KIRREL3: variants seen among roughly 807,000 people sequenced by gnomAD.
KIRREL3 encodes the protein kin of IRRE-like protein 3.
KIRREL3 carries 36 observed loss-of-function variants against 89.7 expected under a neutral mutation model. The observed-to-expected ratio is 0.40, with a 90% CI of 0.31 to 0.53. The LOEUF (loss-of-function observed/expected upper bound fraction) is 0.53. Among genes scored for constraint, KIRREL3 ranks in the 20% least tolerant of loss-of-function variants. The pLI, the probability that KIRREL3 is intolerant of heterozygous loss-of-function variation, is 0.49. For missense variants in KIRREL3, 864 were observed against 1,056.6 expected, an observed-to-expected ratio of 0.82 and a Z score of 2.53; for synonymous variants, 445 against 441.4, an observed-to-expected ratio of 1.01 and a Z score of -0.10.
In KIRREL3 at chr11:126,715,056, G is replaced by A. The variant is rs1947905825; in HGVS notation, c.56-152144C>T. On this transcript the variant is annotated intron_variant, in intron 1 of 16. Coordinates refer to ENST00000525144, the MANE Select transcript of KIRREL3 (RefSeq NM_032531.4). This position sits in a 1 kb window ranked among gnomAD's most constrained non-coding sequence, Gnocchi z 4.4. Reference sequence around the variant, plus strand: ...CCCCACCTTTCTGTGTGGCTGCATGGCTGGGGACTCCATCCTCCTAATGAT... The same window carrying A: ...CCCCACCTTTCTGTGTGGCTGCATGACTGGGGACTCCATCCTCCTAATGAT... Among the ~76,000 whole-genome samples, 1 of 152,190 alleles carries A rather than the reference G, an allele frequency of 6.6e-6. No homozygotes were observed. Among genetic ancestry groups the A allele is most frequent in the African/African-American group, 2.4e-5 (1 of 41,436 alleles).
At position 126,872,986 on chromosome 11, in the gene KIRREL3, T is replaced by C. The variant is rs1042851710; in HGVS notation, c.55+127469A>G. On this transcript the variant is annotated intron_variant, in intron 1 of 16. Coordinates refer to ENST00000525144, the MANE Select transcript of KIRREL3 (RefSeq NM_032531.4). This position sits in a 1 kb window ranked among gnomAD's most constrained non-coding sequence, Gnocchi z 4.2. ...AAATTAAAGCAGCCTGCTCCCTCAA[T>C]GGTTATACATTCTGGCACAGAAATT... Among the ~76,000 whole-genome samples the C allele has an allele frequency of 1.3e-5, 2 of 152,186 alleles. No homozygotes were observed. Among genetic ancestry groups the C allele is most frequent in the African/African-American group, 4.8e-5 (2 of 41,454 alleles).
intron 1 of KIRREL3, among the ~76,000 whole-genome samples, chr11:126,880,987 A>C (rs1295574938): frequency 3.3e-5 from 5 of 152,232 alleles, no homozygotes; most frequent in African/African-American, 1.2e-4. Context: ...TCAAAATGTT[A>C]ATGCAAACAT....
At chr11:126,711,784 G>A (rs550545170) in intron 1 of KIRREL3, among the ~76,000 whole-genome samples, 6 of 152,338 alleles carry the variant, frequency 3.9e-5, no homozygotes, top group African/African-American at 1.2e-4. Flanking sequence ...ACTGTGCGAG[G>A]ATGCTGTGCC....
intron 1 of KIRREL3, among the ~76,000 whole-genome samples, chr11:126,598,798 G>A (rs763389926): frequency 4.6e-5 from 7 of 152,216 alleles, no homozygotes; most frequent in Middle Eastern, 3.4e-3. Flanking sequence ...TCTGGGCTTC[G>A]GTTTCCTTAC....
At chr11:126,449,816 G>A (rs1955959860) in intron 7 of KIRREL3, among the ~76,000 whole-genome samples, 2 of 152,204 alleles carry the variant, frequency 1.3e-5, no homozygotes, top group South Asian at 4.1e-4. Flanking sequence ...TCTGCCTCCT[G>A]CTTCCATGGG....
rs185767170 is a variant in KIRREL3, at chr11:126,977,213, C to T, written c.55+23242G>A. On this transcript the variant is annotated intron_variant, in intron 1 of 16. Coordinates refer to ENST00000525144, the MANE Select transcript of KIRREL3 (RefSeq NM_032531.4). The surrounding 1 kb of genome is among the most constrained non-coding windows in gnomAD (Gnocchi z 4.7). Reference sequence around the variant, plus strand: ...TGTCCTCTTCTTCTGCCAGGTGCCCCGCCTGCCATCTTTTGTACCTTTTTT... The same window carrying T: ...TGTCCTCTTCTTCTGCCAGGTGCCCTGCCTGCCATCTTTTGTACCTTTTTT... Among the ~76,000 whole-genome samples, 94 of 152,218 alleles carry T rather than the reference C, an allele frequency of 6.2e-4. No individual in the cohort carries two copies. Among genetic ancestry groups the T allele is most frequent in the Non-Finnish European group, 9.6e-4 (65 of 68,016 alleles).
Position 126,912,952 on chromosome 11 carries a change from CAA to C in KIRREL3, c.55+87501_55+87502del, listed in dbSNP as rs1264598887. On this transcript the variant is annotated intron_variant, in intron 1 of 16. Transcript: ENST00000525144. This position sits in a 1 kb window ranked among gnomAD's most constrained non-coding sequence, Gnocchi z 4.7. ...GGGTGCACCCATCAGTCTAAGTAGT[CAA>C]GAGAGGAAATGCCTTAAGGAACCAC... Among the ~76,000 whole-genome samples, 1 of 152,156 alleles carries C rather than the reference CAA, an allele frequency of 6.6e-6. No homozygotes were observed. The highest frequency in any genetic ancestry group is 2.4e-5 in the African/African-American group (1 of 41,440).
rs530773219 is a variant in KIRREL3 at position 126,805,803 on chromosome 11, A to C, written c.55+194652T>G. 6.6e-6 allele frequency among the ~76,000 whole-genome samples: 1 copy of C among 152,164 alleles called. No individual in the cohort carries two copies. The highest frequency in any genetic ancestry group is 1.5e-5 in the Non-Finnish European group (1 of 68,024). On this transcript the variant is annotated intron_variant, in intron 1 of 16. Transcript: ENST00000525144. The surrounding 1 kb of genome is among the most constrained non-coding windows in gnomAD (Gnocchi z 4.3). ...GAATTCTTGATAGTCTCTGTCTTTC[A>C]CGGTTTTCCTGCTCAGCTTATTCAT...
chr11:126,450,231 G>A (rs1260441027), intron 7 of KIRREL3, among the ~76,000 whole-genome samples: 2 of 151,568 alleles, frequency 1.3e-5, no homozygotes, highest in African/African-American at 4.9e-5. Flanking sequence ...GTGTGCACGT[G>A]TGCATATGAA....
rs528742360 is a variant in KIRREL3, at chr11:126,623,876, A to T, written c.56-60964T>A. 6.6e-6 allele frequency among the ~76,000 whole-genome samples: 1 copy of T among 152,084 alleles called. No individual in the cohort carries two copies. Among genetic ancestry groups the T allele is most frequent in the Admixed American group, 6.6e-5 (1 of 15,258 alleles). On this transcript the variant is annotated intron_variant, in intron 1 of 16. Transcript: ENST00000525144. This position sits in a 1 kb window ranked among gnomAD's most constrained non-coding sequence, Gnocchi z 4.1. ...GCAATAAACGTTATGCCTCTCCCCA[A>T]CCCCAGTCCAGAAGGGGCTGGCAGG...
At chr11:126,452,124 C>T (rs1956199799) in intron 7 of KIRREL3, among the ~76,000 whole-genome samples, 1 of 152,096 alleles carries the variant, frequency 6.6e-6, no homozygotes, top group Non-Finnish European at 1.5e-5. Context: ...TAGGCTGGCA[C>T]CAAGCAGTTG....
intron 1 of KIRREL3, among the ~76,000 whole-genome samples, chr11:126,815,365 G>A (rs1951528227): frequency 6.6e-6 from 1 of 152,122 alleles, no homozygotes; most frequent in African/African-American, 2.4e-5. Context: ...CCCACTGTGT[G>A]ACCTGAGGCA....
chr11:126,601,458 A>G lies in KIRREL3; in HGVS notation c.56-38546T>C, dbSNP rs769300841. ...AGCAATTTGTTTGCTCTCATACTCT[A>G]AAGATGAACTTCCCGTGCTCAATCA... is the stretch of plus-strand genomic sequence containing the variant. On this transcript the variant is annotated intron_variant, in intron 1 of 16. Transcript: ENST00000525144. This position sits in a 1 kb window ranked among gnomAD's most constrained non-coding sequence, Gnocchi z 5.8. Among the ~76,000 whole-genome samples, 3 of 152,350 alleles carry G rather than the reference A, an allele frequency of 2.0e-5. No individual in the cohort carries two copies. Among genetic ancestry groups the G allele is most frequent in the Middle Eastern group, 3.4e-3 (1 of 294 alleles).
At chr11:127,001,299 G>A (rs1565492000), upstream of KIRREL3, 1 of 132,276 alleles carries the variant, frequency 7.6e-6, no homozygotes, top group Non-Finnish European at 1.6e-5. Flanking sequence ...CCTGTGGGTG[G>A]GTGGGTGGTT....
intron 4 of KIRREL3, among the ~76,000 whole-genome samples, chr11:126,503,061 C>G (rs1032240944): frequency 6.6e-6 from 1 of 152,152 alleles, no homozygotes; most frequent in Non-Finnish European, 1.5e-5. Flanking sequence ...CACCTGCCTC[C>G]CCTTGATTAT....
At chr11:126,733,227 G>C (rs1461683059) in intron 1 of KIRREL3, among the ~76,000 whole-genome samples, 1 of 152,188 alleles carries the variant, frequency 6.6e-6, no homozygotes, top group African/African-American at 2.4e-5. Flanking sequence ...AGATGGTAAC[G>C]AGGCCTGGGG....
rs1488015762 is a variant in KIRREL3, at chr11:126,486,773, C to CTAACTGCGG, written c.434-13316_434-13308dup. ...ATCCTGCTGCCCCAACCACTCAGTC[C>CTAACTGCGG]TAACTGCGGTACCATAGGCTGTGCT... On this transcript the variant is annotated intron_variant, in intron 4 of 16. Coordinates refer to ENST00000525144, the MANE Select transcript of KIRREL3 (RefSeq NM_032531.4). This position sits in a 1 kb window ranked among gnomAD's most constrained non-coding sequence, Gnocchi z 6.2. 6.6e-6 allele frequency among the ~76,000 whole-genome samples: 1 copy of CTAACTGCGG among 152,216 alleles called. No individual in the cohort carries two copies. Among genetic ancestry groups the CTAACTGCGG allele is most frequent in the Non-Finnish European group, 1.5e-5 (1 of 68,046 alleles).
At chr11:126,590,221 T>G (rs1343278384) in intron 1 of KIRREL3, among the ~76,000 whole-genome samples, 1 of 152,190 alleles carries the variant, frequency 6.6e-6, no homozygotes, top group African/African-American at 2.4e-5. Context: ...CAAATTGATT[T>G]CTAGAACTGA....
At chr11:126,979,231 GA>G (rs1248495053) in intron 1 of KIRREL3, among the ~76,000 whole-genome samples, 1 of 152,180 alleles carries the variant, frequency 6.6e-6, no homozygotes, top group Non-Finnish European at 1.5e-5. Context: ...AGAGAGAAAT[GA>G]ATAGAAATGA....
Sources: gnomAD v4.1 joint callset for allele counts (sites outside exome capture counted in the v4.1 genomes callset) on GRCh38, gnomAD v4.1.1 for gene constraint, Gnocchi (gnomAD v3.1) non-coding constraint, MANE v1.5 for transcripts, NCBI Gene and HGNC (gene_info 2026-07-23, HGNC 2026-07-21) for gene names.